The following PTPRD variants were observed in gnomAD, a reference collection of about 807,000 sequenced individuals.
PTPRD encodes the protein receptor-type tyrosine-protein phosphatase delta.
PTPRD carries 34 observed loss-of-function variants against 214.5 expected under a neutral mutation model. That is an observed-to-expected ratio of 0.16 (90% confidence interval 0.12 to 0.21). The LOEUF (loss-of-function observed/expected upper bound fraction) is 0.21. PTPRD is among the 10% of genes least tolerant of loss of function. The pLI, the probability that PTPRD is intolerant of heterozygous loss-of-function variation, is 1.00. For synonymous variants in PTPRD, 1,128 were observed against 845.7 expected (o/e 1.33, Z -5.79); for missense variants, 2,545 against 2,398.7 (o/e 1.06, Z -1.27).
intron 5 of PTPRD, among the ~76,000 whole-genome samples, chr9:9,865,584 C>T (rs926911437): frequency 3.3e-5 from 5 of 152,088 alleles, no homozygotes; most frequent in Non-Finnish European, 5.9e-5. Context: ...AATTCCTTTT[C>T]TTTATAAGTC....
At chr9:10,012,547 C>T (rs745574205) in intron 4 of PTPRD, among the ~76,000 whole-genome samples, 86 of 151,886 alleles carry the variant, frequency 5.7e-4, no homozygotes, top group Non-Finnish European at 1.1e-3. Flanking sequence ...TAATCACATA[C>T]ATTAGATTAC....
At chr9:10,192,129 T>C (rs990075382) in intron 3 of PTPRD, among the ~76,000 whole-genome samples, 1 of 152,102 alleles carries the variant, frequency 6.6e-6, no homozygotes, top group Admixed American at 6.6e-5. Flanking sequence ...AGAAGAAACT[T>C]TGTGAAAAGT....
At chr9:9,126,553 C>T (rs2099834204) in intron 10 of PTPRD, among the ~76,000 whole-genome samples, 1 of 152,090 alleles carries the variant, frequency 6.6e-6, no homozygotes, top group Non-Finnish European at 1.5e-5. Context: ...AATAAAGATT[C>T]AAAACATTTC....
At chr9:9,693,024 G>C (rs1388694460) in intron 7 of PTPRD, among the ~76,000 whole-genome samples, 1 of 152,032 alleles carries the variant, frequency 6.6e-6, no homozygotes, top group South Asian at 2.1e-4. Flanking sequence ...TTTTGGTAGA[G>C]TCTTTAGGAT....
intron 12 of PTPRD, 50 bp from the exon 13 acceptor site, chr9:8,636,894 C>G (rs779575565): frequency 4.4e-6 from 7 of 1,583,050 alleles, no homozygotes; most frequent in East Asian, 4.5e-5. Context: ...GAAATACAGA[C>G]TATTATCCTA....
At chr9:10,377,174 G>T (rs2097747385) in intron 2 of PTPRD, among the ~76,000 whole-genome samples, 1 of 151,612 alleles carries the variant, frequency 6.6e-6, no homozygotes, top group South Asian at 2.1e-4. Context: ...TCTGTGCCTG[G>T]CTTATTTCAC....
At position 8,937,433 on chromosome 9, in the gene PTPRD, A is replaced by G. The variant is rs371521926; in HGVS notation, c.-104+81264T>C. Among the ~76,000 whole-genome samples the G allele has an allele frequency of 1.3e-3, 203 of 152,318 alleles. 1 individual carries two copies. Among genetic ancestry groups the G allele is most frequent in the African/African-American group, 4.5e-3 (189 of 41,576 alleles). On this transcript the variant is annotated intron_variant, in intron 11 of 45. Coordinates refer to ENST00000381196, the MANE Select transcript of PTPRD (RefSeq NM_002839.4). ...TTCAAATTACCTATAATCTGCATTC[A>G]TAAGTGCTCTAGTTCACCCAGAAAG...
chr9:9,798,790 A>G (rs577284057), intron 5 of PTPRD, among the ~76,000 whole-genome samples: 2 of 152,302 alleles, frequency 1.3e-5, no homozygotes, highest in East Asian at 3.9e-4. Flanking sequence ...GACACAGCAA[A>G]TTGGAAGCAA....
chr9:9,893,437 T>C (rs2153786981), intron 5 of PTPRD, among the ~76,000 whole-genome samples: 1 of 152,208 alleles, frequency 6.6e-6, no homozygotes. Context: ...GAGGAACATT[T>C]ACCAAGCAAA....
chr9:9,951,080 C>G (rs1435969931), intron 4 of PTPRD, among the ~76,000 whole-genome samples: 2 of 152,016 alleles, frequency 1.3e-5, no homozygotes, highest in Admixed American at 1.3e-4. Flanking sequence ...GTCATAAGTA[C>G]CAGGAATTTT....
intron 2 of PTPRD, among the ~76,000 whole-genome samples, chr9:10,441,757 A>C (rs1244385991): frequency 6.6e-6 from 1 of 151,640 alleles, no homozygotes; most frequent in Non-Finnish European, 1.5e-5. Flanking sequence ...AAAATAAATA[A>C]ATGAATGAGT....
At chr9:9,423,559 G>C (rs1222993115) in intron 8 of PTPRD, among the ~76,000 whole-genome samples, 2 of 152,144 alleles carry the variant, frequency 1.3e-5, no homozygotes, top group African/African-American at 2.4e-5. Flanking sequence ...GTGAGAATAA[G>C]AGACAACAGA....
At chr9:9,877,521 G>C (rs980614677) in intron 5 of PTPRD, among the ~76,000 whole-genome samples, 1 of 152,130 alleles carries the variant, frequency 6.6e-6, no homozygotes, top group African/African-American at 2.4e-5. Flanking sequence ...TGACTCCTAT[G>C]ATCAAAGTGA....
chr9:9,278,895 G>A (rs1038649552), intron 9 of PTPRD, among the ~76,000 whole-genome samples: 1 of 151,276 alleles, frequency 6.6e-6, no homozygotes, highest in Non-Finnish European at 1.5e-5. Flanking sequence ...TTAGAGCAGA[G>A]AATTTGTATA....
rs553925451 is a variant in PTPRD at position 8,712,687 on chromosome 9, A to C, written c.64+21093T>G. 1.1e-3 allele frequency among the ~76,000 whole-genome samples: 173 copies of C among 151,120 alleles called. 2 individuals carry two copies. Among genetic ancestry groups the C allele is most frequent in the African/African-American group, 4.1e-3 (168 of 41,334 alleles). On this transcript the variant is annotated intron_variant, in intron 12 of 45. Coordinates refer to ENST00000381196, the MANE Select transcript of PTPRD (RefSeq NM_002839.4). ...TGTATTCAGTCTTTTCATGTTAATA[A>C]AATTTGAATATGCAAAGATCGTATC...
chr9:8,565,097 G>A (rs149111737), intron 14 of PTPRD, among the ~76,000 whole-genome samples: 8 of 152,094 alleles, frequency 5.3e-5, no homozygotes, highest in African/African-American at 1.7e-4. Flanking sequence ...GGGGAGAGAC[G>A]AACATGTGGC....
At chr9:9,077,010 G>A (rs2099752211) in intron 10 of PTPRD, among the ~76,000 whole-genome samples, 1 of 151,950 alleles carries the variant, frequency 6.6e-6, no homozygotes, top group Non-Finnish European at 1.5e-5. Context: ...CTGGGATAAG[G>A]TGATCTTATT....
At chr9:9,572,268 T>C (rs1250710805) in intron 8 of PTPRD, among the ~76,000 whole-genome samples, 1 of 151,446 alleles carries the variant, frequency 6.6e-6, no homozygotes, top group Non-Finnish European at 1.5e-5. Flanking sequence ...AAAATACTTC[T>C]ATCATGACTG....
At chr9:9,612,566 C>T (rs912078761) in intron 7 of PTPRD, among the ~76,000 whole-genome samples, 1 of 152,108 alleles carries the variant, frequency 6.6e-6, no homozygotes, top group Admixed American at 6.5e-5. Context: ...TTCCTGTTTT[C>T]TTTCTTTCCT....
Sources: allele counts gnomAD v4.1 joint callset (sites outside exome capture counted in the v4.1 genomes callset), GRCh38; gene constraint gnomAD v4.1.1; transcripts MANE v1.5; gene names NCBI Gene and HGNC (gene_info 2026-07-23, HGNC 2026-07-21).